The following SAMMSON variants were observed in gnomAD, a reference collection of about 807,000 sequenced individuals.
SAMMSON encodes the protein long intergenic non-protein coding RNA 1212.
chr3:70,106,431 T>C (rs6794737), intron 4 of SAMMSON, among the ~76,000 whole-genome samples: 15,580 of 151,514 alleles, frequency 0.1, 891 homozygotes, highest in Middle Eastern at 0.14. Context: ...GTTTCAAACT[T>C]ATGGGCTCAA....
chr3:70,049,671 CATCATT>C (rs1210254687), intron 3 of SAMMSON, among the ~76,000 whole-genome samples: 2 of 152,092 alleles, frequency 1.3e-5, no homozygotes, highest in Non-Finnish European at 1.5e-5. Flanking sequence ...CCATCATCAT[CATCATT>C]ATCATTATAA....
intron 4 of SAMMSON, among the ~76,000 whole-genome samples, chr3:70,245,393 A>T: frequency 6.6e-6 from 1 of 151,954 alleles, no homozygotes; most frequent in Non-Finnish European, 1.5e-5. Context: ...TTTTAATGCT[A>T]GTATAGATTT....
At chr3:70,263,991 C>T (rs1575609847) in intron 6 of SAMMSON, among the ~76,000 whole-genome samples, 3 of 152,326 alleles carry the variant, frequency 2.0e-5, no homozygotes, top group African/African-American at 4.8e-5. Flanking sequence ...GGCTCTCCTA[C>T]TCTGTCATGA....
At chr3:70,350,225 C>T (rs1702784228) in intron 7 of SAMMSON, among the ~76,000 whole-genome samples, 1 of 152,134 alleles carries the variant, frequency 6.6e-6, no homozygotes, top group Non-Finnish European at 1.5e-5. Flanking sequence ...AATCTGTTTA[C>T]TTGCTCTAAC....
chr3:70,327,155 G>C (rs1702585725), intron 7 of SAMMSON, among the ~76,000 whole-genome samples: 1 of 152,196 alleles, frequency 6.6e-6, no homozygotes, highest in Admixed American at 6.5e-5. Flanking sequence ...ACTGTGTCCA[G>C]CTGGATGATG....
intron 6 of SAMMSON, chr3:70,272,365 C>T (rs1434109122): frequency 6.6e-6 from 1 of 152,192 alleles, no homozygotes; most frequent in African/African-American, 2.4e-5. Flanking sequence ...ATTTCATACA[C>T]TATGTACTCT....
chr3:70,180,047 G>GA (rs1050836646), intron 4 of SAMMSON, among the ~76,000 whole-genome samples: 3 of 150,478 alleles, frequency 2.0e-5, no homozygotes, highest in Non-Finnish European at 4.4e-5. Flanking sequence ...TGTGTGTGAA[G>GA]AAAAAAATGG....
chr3:70,035,638 T>C (rs1271847807), intron 3 of SAMMSON, among the ~76,000 whole-genome samples: 1 of 152,186 alleles, frequency 6.6e-6, no homozygotes, highest in African/African-American at 2.4e-5. Flanking sequence ...CCCTCCGCAG[T>C]TTCTCTTGAA....
intron 2 of SAMMSON, among the ~76,000 whole-genome samples, chr3:70,013,349 C>A (rs993316286): frequency 2.0e-5 from 3 of 152,064 alleles, no homozygotes; most frequent in African/African-American, 7.3e-5. Context: ...GGAGTAAAAT[C>A]ATACATATAA....
chr3:70,098,063 T>A (rs892390459), intron 4 of SAMMSON, among the ~76,000 whole-genome samples: 1 of 152,208 alleles, frequency 6.6e-6, no homozygotes, highest in African/African-American at 2.4e-5. Flanking sequence ...AATTAAGTCA[T>A]TTGTGTTCTC....
intron 1 of SAMMSON, among the ~76,000 whole-genome samples, chr3:70,007,254 A>G (rs2066931432): frequency 6.6e-6 from 1 of 152,212 alleles, no homozygotes; most frequent in Non-Finnish European, 1.5e-5. Context: ...ACTAGTTTAC[A>G]GTCCCAACAA....
At chr3:70,386,058 A>G (rs1703120872) in intron 9 of SAMMSON, among the ~76,000 whole-genome samples, 1 of 152,142 alleles carries the variant, frequency 6.6e-6, no homozygotes. Flanking sequence ...GCTGTGGGGA[A>G]TCACACTGGC....
chr3:70,336,633 A>G (rs1702662368), intron 7 of SAMMSON, among the ~76,000 whole-genome samples: 1 of 152,020 alleles, frequency 6.6e-6, no homozygotes, highest in Admixed American at 6.6e-5. Flanking sequence ...TTAGTCTTGT[A>G]AAACATAAGT....
At chr3:70,180,445 T>A (rs1044292740) in intron 4 of SAMMSON, among the ~76,000 whole-genome samples, 1 of 152,162 alleles carries the variant, frequency 6.6e-6, no homozygotes, top group Non-Finnish European at 1.5e-5. Context: ...GTTGCATATA[T>A]AATATCTAGT....
chr3:70,287,490 G>A (rs2106688626), intron 6 of SAMMSON, among the ~76,000 whole-genome samples: 1 of 152,078 alleles, frequency 6.6e-6, no homozygotes, highest in East Asian at 1.9e-4. Flanking sequence ...TTGCATCAAT[G>A]TTCATTAAGG....
chr3:70,136,994 A>T (rs1260336188), intron 4 of SAMMSON, among the ~76,000 whole-genome samples: 1 of 152,168 alleles, frequency 6.6e-6, no homozygotes, highest in African/African-American at 2.4e-5. Context: ...TTATTTTATC[A>T]CAATATTATG....
chr3:70,207,675 A>G (rs941139427), intron 4 of SAMMSON, among the ~76,000 whole-genome samples: 1 of 152,116 alleles, frequency 6.6e-6, no homozygotes, highest in African/African-American at 2.4e-5. Flanking sequence ...TACAAATAAA[A>G]AACAATACAG....
At chr3:70,390,986 C>A (rs1701042793), downstream of SAMMSON, among the ~76,000 whole-genome samples, 1 of 152,030 alleles carries the variant, frequency 6.6e-6, no homozygotes, top group East Asian at 1.9e-4. Context: ...TTAAGTTGAC[C>A]CTATTGTGTC....
chr3:70,297,361 C>G lies in SAMMSON; in HGVS notation n.739+6118C>G, dbSNP rs116007928. 5.9e-5 allele frequency among the ~76,000 whole-genome samples: 9 copies of G among 152,100 alleles called. 1 individual carries two copies. Among genetic ancestry groups the G allele is most frequent in the African/African-American group, 2.2e-4 (9 of 41,522 alleles). On this transcript the variant is annotated intron_variant and non_coding_transcript_variant, in intron 7 of 9. Transcript: ENST00000642114. The stretch of plus-strand genomic sequence containing the variant: ...TGCTTGCTCTAGACCACAAAAAGAA[C>G]TGGATATCTTGGTGGAGATTAAGAG...
Sources: gnomAD v4.1 joint callset for allele counts (sites outside exome capture counted in the v4.1 genomes callset) on GRCh38, gnomAD v4.1.1 for gene constraint, MANE v1.5 for transcripts, NCBI Gene and HGNC (gene_info 2026-07-23, HGNC 2026-07-21) for gene names.